AP1AR: variants seen among roughly 807,000 people sequenced by gnomAD.
AP1AR encodes the protein adaptor related protein complex 1 associated regulatory protein, also known as AP-1 complex-associated regulatory protein.
In AP1AR, 29 loss-of-function variants were observed where a neutral mutation model predicts 46.3. The observed-to-expected ratio is 0.63, with a 90% CI of 0.47 to 0.85. AP1AR has a LOEUF of 0.85. AP1AR is among the 40% of genes least tolerant of loss of function. The pLI, the probability that AP1AR is intolerant of heterozygous loss-of-function variation, is 0.00. For synonymous variants in AP1AR, 122 were observed against 122.9 expected (o/e 0.99, Z 0.05); for missense variants, 357 against 356.3 (o/e 1.00, Z -0.02).
At chr4:112,252,059 A>G (rs555408408) in intron 1 of AP1AR, among the ~76,000 whole-genome samples, 1 of 152,258 alleles carries the variant, frequency 6.6e-6, no homozygotes, top group South Asian at 2.1e-4. Flanking sequence ...GCTGGGTAAC[A>G]TTGAGACCTC....
chr4:112,244,376 A>C (rs1363613523), intron 1 of AP1AR, among the ~76,000 whole-genome samples: 1 of 152,222 alleles, frequency 6.6e-6, no homozygotes, highest in African/African-American at 2.4e-5. Flanking sequence ...GACTCTAATA[A>C]TTAAAACCCT....
chr4:112,267,219 G>T (rs988822187), intron 9 of AP1AR, among the ~76,000 whole-genome samples: 9 of 151,780 alleles, frequency 5.9e-5, no homozygotes, highest in African/African-American at 1.7e-4. Flanking sequence ...TTCTTTTATG[G>T]TGGGATCTGA....
At chr4:112,255,061 G>A (rs1189078252) in intron 3 of AP1AR, among the ~76,000 whole-genome samples, 2 of 151,556 alleles carry the variant, frequency 1.3e-5, no homozygotes, top group African/African-American at 2.4e-5. Flanking sequence ...CCCGGGTCAC[G>A]CCATTCTCCT....
chr4:112,266,456 C>T, intron 8 of AP1AR, 132 bp from the exon 9 acceptor site: 1 of 941,870 alleles, frequency 1.1e-6, no homozygotes, highest in Non-Finnish European at 1.5e-6. Flanking sequence ...AAAATGATTT[C>T]CAGAATTATT....
At chr4:112,237,047 A>T (rs1012925014) in intron 1 of AP1AR, among the ~76,000 whole-genome samples, 1 of 152,110 alleles carries the variant, frequency 6.6e-6, no homozygotes, top group African/African-American at 2.4e-5. Flanking sequence ...CTCTCTTACC[A>T]CTTTTAATAT....
intron 9 of AP1AR, 133 bp downstream of exon 9, chr4:112,266,849 C>T: frequency 2.5e-6 from 2 of 814,028 alleles, no homozygotes; most frequent in South Asian, 4.8e-5. Context: ...CTTTTTAGAC[C>T]ATTATTGTAT....
Position 112,271,107 on chromosome 4 carries a change from A to G in AP1AR, c.*2698A>G, listed in dbSNP as rs933354244. On this transcript the variant is annotated 3_prime_UTR_variant, in exon 10 of 10. Coordinates refer to ENST00000274000, the MANE Select transcript of AP1AR (RefSeq NM_018569.6). Reference sequence around the variant, plus strand: ...CTACTGTAGGGGTAACACATCTGGCATGGTGCCGTGGCTACCTTGCTCACT... The same window carrying G: ...CTACTGTAGGGGTAACACATCTGGCGTGGTGCCGTGGCTACCTTGCTCACT... Among the ~76,000 whole-genome samples the G allele has an allele frequency of 4.6e-5, 7 of 152,208 alleles. No homozygotes were observed. The highest frequency in any genetic ancestry group is 1.7e-4 in the African/African-American group (7 of 41,466).
At chr4:112,255,186 C>G (rs1025106281) in intron 3 of AP1AR, among the ~76,000 whole-genome samples, 1 of 152,136 alleles carries the variant, frequency 6.6e-6, no homozygotes, top group African/African-American at 2.4e-5. Flanking sequence ...GTCTCGATCT[C>G]CTGACCTCGT....
intron 5 of AP1AR, among the ~76,000 whole-genome samples, chr4:112,261,304 T>C (rs190085028): frequency 1.5e-3 from 225 of 152,230 alleles, no homozygotes; most frequent in Admixed American, 3.2e-3. Context: ...TGGTGGTGCA[T>C]GCCTGTGGTC....
intron 1 of AP1AR, among the ~76,000 whole-genome samples, chr4:112,251,512 A>G (rs1560607258): frequency 1.3e-5 from 2 of 152,146 alleles, no homozygotes; most frequent in African/African-American, 2.4e-5. Flanking sequence ...TATTGATAGT[A>G]TTACTGGGCT....
Position 112,262,894 on chromosome 4 carries a change from T to C in AP1AR, c.283-94T>C, listed in dbSNP as rs1250875363. Reference sequence around the variant, plus strand: ...TAGAGATCAATTATTTTTTAATAATTTATTTTTTGTTTTATAAATAGAAGC... The same window carrying C: ...TAGAGATCAATTATTTTTTAATAATCTATTTTTTGTTTTATAAATAGAAGC... On this transcript the variant is annotated intron_variant, in intron 5 of 9. Transcript: ENST00000274000. 6.5e-6 allele frequency: 5 copies of C among 768,596 alleles called. No individual in the cohort carries two copies. In the Admixed American group the frequency reaches 1.3e-4, roughly 20 times the overall value. 47.6% of individuals were successfully genotyped at this position (768,596 alleles called of 1,614,324 possible). A position where few individuals can be genotyped will look rare whatever the true frequency, so the allele number is the denominator to read the frequency against.
At chr4:112,259,489 T>C (rs931346312) in intron 4 of AP1AR, among the ~76,000 whole-genome samples, 1 of 152,172 alleles carries the variant, frequency 6.6e-6, no homozygotes, top group Non-Finnish European at 1.5e-5. Context: ...ATGTGAAGCA[T>C]TGAGAAGAGA....
intron 1 of AP1AR, among the ~76,000 whole-genome samples, chr4:112,237,297 G>A (rs1197403258): frequency 1.3e-5 from 2 of 151,836 alleles, no homozygotes; most frequent in Non-Finnish European, 2.9e-5. Flanking sequence ...TAGTAGAGAC[G>A]GGGTTTCGCC....
Position 112,260,830 on chromosome 4 carries a change from C to G in AP1AR, c.250C>G (p.Gln84Glu). 3.1e-6 allele frequency: 5 copies of G among 1,603,860 alleles called. No individual in the cohort carries two copies. Among genetic ancestry groups the G allele is most frequent in the Non-Finnish European group, 4.3e-6 (5 of 1,175,054 alleles). The change falls in exon 5 of 10, where the codon CAA becomes GAA. Residue 84 changes from glutamine (Q) to glutamate (E), a missense_variant. Physicochemically the swap from Gln to Glu is conservative, Grantham distance 29 (BLOSUM62 2). Coordinates refer to ENST00000274000, the MANE Select transcript of AP1AR (RefSeq NM_018569.6). The stretch of plus-strand genomic sequence containing the variant: ...GCATTATGATTCCATTGCCGAAAAA[C>G]AAAAAGATCTTGATAAGAAAATTCA... ...ERHYDSIAEK[Q>E]KDLDKKIQKE...
intron 1 of AP1AR, among the ~76,000 whole-genome samples, chr4:112,238,378 A>G (rs1725342863): frequency 6.6e-6 from 1 of 152,024 alleles, no homozygotes; most frequent in Non-Finnish European, 1.5e-5. Flanking sequence ...ATATCCTACC[A>G]GTTTTATATT....
At chr4:112,240,282 C>A (rs116166393) in intron 1 of AP1AR, among the ~76,000 whole-genome samples, 1,526 of 152,306 alleles carry the variant, frequency 0.01, 11 homozygotes, top group Middle Eastern at 0.02. Flanking sequence ...CTCCTATTCA[C>A]TCATCTTGTA....
intron 1 of AP1AR, among the ~76,000 whole-genome samples, chr4:112,251,641 C>T (rs914440114): frequency 1.3e-5 from 2 of 152,268 alleles, no homozygotes; most frequent in East Asian, 3.9e-4. Flanking sequence ...GCATATAGCA[C>T]TGTAAGCAGG....
chr4:112,238,052 G>A (rs897221080), intron 1 of AP1AR, among the ~76,000 whole-genome samples: 1 of 152,262 alleles, frequency 6.6e-6, no homozygotes, highest in Non-Finnish European at 1.5e-5. Context: ...CAACAAATGA[G>A]TGTGGCTATA....
intron 1 of AP1AR, among the ~76,000 whole-genome samples, chr4:112,236,620 C>T (rs757967723): frequency 1.3e-4 from 20 of 152,178 alleles, no homozygotes; most frequent in Non-Finnish European, 2.8e-4. Flanking sequence ...TGGCTAGTCT[C>T]GAATTCCTGA....
Sources: gnomAD v4.1 joint callset for allele counts (sites outside exome capture counted in the v4.1 genomes callset) on GRCh38, gnomAD v4.1.1 for gene constraint, MANE v1.5 for transcripts, NCBI Gene and HGNC (gene_info 2026-07-23, HGNC 2026-07-21) for gene names.